KCNB2: variants seen among roughly 807,000 people sequenced by gnomAD.
KCNB2 encodes potassium voltage-gated channel subfamily B member 2.
A neutral mutation model predicts 61.5 loss-of-function variants in KCNB2; 15 were observed. The observed-to-expected ratio is 0.24, with a 90% CI of 0.16 to 0.38. The LOEUF is 0.38. Among genes scored for constraint, KCNB2 ranks in the 10% least tolerant of loss-of-function variants. The probability of loss-of-function intolerance (pLI) is 1.00; values close to 1 mark genes in which losing one functional copy is unlikely to be tolerated. For synonymous variants in KCNB2, 457 were observed against 446.0 expected (o/e 1.02, Z -0.31); for missense variants, 828 against 1,125.2 (o/e 0.74, Z 3.78).
chr8:72,616,123 C>A (rs147873468), intron 2 of KCNB2, among the ~76,000 whole-genome samples: 1,538 of 152,272 alleles, frequency 0.01, 12 homozygotes, highest in South Asian at 0.034. Flanking sequence ...GTCACCTTTT[C>A]TCGCTTAGGT....
chr8:72,724,468 T>C (rs1299418898), intron 2 of KCNB2, among the ~76,000 whole-genome samples: 2 of 152,156 alleles, frequency 1.3e-5, no homozygotes, highest in Non-Finnish European at 2.9e-5. Flanking sequence ...AGTGCCTTAA[T>C]TGGTAAAGTC....
intron 2 of KCNB2, among the ~76,000 whole-genome samples, chr8:72,743,029 C>T (rs889621595): frequency 4.6e-5 from 7 of 152,100 alleles, no homozygotes; most frequent in Admixed American, 1.3e-4. Flanking sequence ...AGGCAGATGA[C>T]GACTCTTAGT....
chr8:72,630,734 C>G (rs1307245327), intron 2 of KCNB2, among the ~76,000 whole-genome samples: 1 of 152,174 alleles, frequency 6.6e-6, no homozygotes, highest in Admixed American at 6.5e-5. Context: ...AATTAGTGGC[C>G]AGTAACCTAT....
intron 2 of KCNB2, among the ~76,000 whole-genome samples, chr8:72,811,814 A>T (rs905401473): frequency 3.3e-5 from 5 of 152,240 alleles, no homozygotes; most frequent in African/African-American, 1.2e-4. Flanking sequence ...CCAAATGTAT[A>T]TATTCAATAA....
intron 2 of KCNB2, among the ~76,000 whole-genome samples, chr8:72,830,517 A>T (rs1809677507): frequency 6.6e-6 from 1 of 152,214 alleles, no homozygotes; most frequent in Non-Finnish European, 1.5e-5. Flanking sequence ...TCGAGTTCTC[A>T]TTACTATCCA....
At chr8:72,757,366 C>G (rs1473441645) in intron 2 of KCNB2, among the ~76,000 whole-genome samples, 1 of 152,098 alleles carries the variant, frequency 6.6e-6, no homozygotes, top group Non-Finnish European at 1.5e-5. Context: ...ACAGCAAATA[C>G]AGATTACTCT....
chr8:72,607,067 TAGA>T (rs1267942564), intron 2 of KCNB2, among the ~76,000 whole-genome samples: 1 of 152,018 alleles, frequency 6.6e-6, no homozygotes, highest in African/African-American at 2.4e-5. Context: ...TGTGTTGATG[TAGA>T]GAGGAAAGGT....
intron 2 of KCNB2, among the ~76,000 whole-genome samples, chr8:72,844,518 T>C (rs1472668647): frequency 6.6e-6 from 1 of 152,240 alleles, no homozygotes; most frequent in Non-Finnish European, 1.5e-5. Context: ...TCCTGAATAA[T>C]ATCCTGAAGA....
At chr8:72,713,918 A>G (rs959347846) in intron 2 of KCNB2, among the ~76,000 whole-genome samples, 1 of 152,170 alleles carries the variant, frequency 6.6e-6, no homozygotes, top group African/African-American at 2.4e-5. Flanking sequence ...TTGAAAAAAA[A>G]TTAGATGAAT....
At chr8:72,728,936 C>G (rs774336650) in intron 2 of KCNB2, among the ~76,000 whole-genome samples, 1 of 152,142 alleles carries the variant, frequency 6.6e-6, no homozygotes, top group African/African-American at 2.4e-5. Flanking sequence ...TGTTAGGAAA[C>G]TATAAACAAG....
At chr8:72,921,138 T>C (rs1348280483) in intron 2 of KCNB2, among the ~76,000 whole-genome samples, 1 of 152,084 alleles carries the variant, frequency 6.6e-6, no homozygotes, top group Non-Finnish European at 1.5e-5. Flanking sequence ...GTAATAATTA[T>C]TATAATTTAA....
chr8:72,802,882 C>A (rs1411238463), intron 2 of KCNB2, among the ~76,000 whole-genome samples: 3 of 152,172 alleles, frequency 2.0e-5, no homozygotes, highest in Admixed American at 2.0e-4. Context: ...TCTTTCACAT[C>A]AATAAAAGGT....
chr8:72,883,593 T>C (rs1184414098), intron 2 of KCNB2, among the ~76,000 whole-genome samples: 1 of 152,222 alleles, frequency 6.6e-6, no homozygotes, highest in Non-Finnish European at 1.5e-5. Flanking sequence ...TGGCTCTAGG[T>C]TGTTTTTTTC....
chr8:72,723,453 C>A (rs1807584204), intron 2 of KCNB2, among the ~76,000 whole-genome samples: 1 of 152,180 alleles, frequency 6.6e-6, no homozygotes, highest in African/African-American at 2.4e-5. Flanking sequence ...CATCTCTTGG[C>A]AAACCTCAGA....
chr8:72,805,001 G>A (rs1809194438), intron 2 of KCNB2, among the ~76,000 whole-genome samples: 1 of 152,162 alleles, frequency 6.6e-6, no homozygotes. Flanking sequence ...AGACATGGCT[G>A]CGACTCTTCC....
intron 2 of KCNB2, among the ~76,000 whole-genome samples, chr8:72,769,247 A>C (rs1808519984): frequency 6.6e-6 from 1 of 152,024 alleles, no homozygotes; most frequent in African/African-American, 2.4e-5. Context: ...TTCACTGCAA[A>C]CTAGATAAGG....
chr8:72,768,649 T>G (rs1272107729), intron 2 of KCNB2, among the ~76,000 whole-genome samples: 1 of 152,140 alleles, frequency 6.6e-6, no homozygotes, highest in Non-Finnish European at 1.5e-5. Context: ...TCCAAGATCA[T>G]GAAGCTTTAT....
At chr8:72,901,080 T>C (rs756258962) in intron 2 of KCNB2, among the ~76,000 whole-genome samples, 1 of 152,140 alleles carries the variant, frequency 6.6e-6, no homozygotes, top group Non-Finnish European at 1.5e-5. Context: ...CGTGGTAGCT[T>C]TTGAAACCAT....
At chr8:72,577,507 G>A (rs987918117) in intron 2 of KCNB2, among the ~76,000 whole-genome samples, 8 of 152,118 alleles carry the variant, frequency 5.3e-5, no homozygotes, top group Admixed American at 5.2e-4. Flanking sequence ...ACAAACTTTT[G>A]TGATAACCTG....
Sources: gnomAD v4.1 joint callset for allele counts (sites outside exome capture counted in the v4.1 genomes callset) on GRCh38, gnomAD v4.1.1 for gene constraint, MANE v1.5 for transcripts, NCBI Gene and HGNC (gene_info 2026-07-23, HGNC 2026-07-21) for gene names.